Variants in TMPRSS6 observed in about 807,000 individuals in gnomAD.
TMPRSS6 encodes transmembrane serine protease 6.
A neutral mutation model predicts 101.5 loss-of-function variants in TMPRSS6; 67 were observed. That is an observed-to-expected ratio of 0.66 (90% CI 0.54 to 0.81). The LOEUF is 0.81. Among genes scored for constraint, TMPRSS6 ranks in the 30% least tolerant of loss-of-function variants. The probability of loss-of-function intolerance (pLI) is 0.00; values close to 1 mark genes in which losing one functional copy is unlikely to be tolerated. For synonymous variants in TMPRSS6, 453 were observed against 464.9 expected (o/e 0.97, Z 0.33); for missense variants, 1,034 against 1,088.7 (o/e 0.95, Z 0.71).
At chr22:37,086,811 C>T (rs113226677) in intron 7 of TMPRSS6, among the ~76,000 whole-genome samples, 4 of 152,146 alleles carry the variant, frequency 2.6e-5, no homozygotes, top group African/African-American at 9.7e-5. Flanking sequence ...CAGGGACCAC[C>T]GTTTCTGGCA....
intron 2 of TMPRSS6, among the ~76,000 whole-genome samples, chr22:37,098,916 C>T (rs1448295804): frequency 1.3e-5 from 2 of 152,208 alleles, no homozygotes; most frequent in East Asian, 3.8e-4. Flanking sequence ...ACTAGGCATC[C>T]TTCCACTCGT....
At chr22:37,092,358 C>A (rs564381244) in intron 6 of TMPRSS6, among the ~76,000 whole-genome samples, 1 of 152,246 alleles carries the variant, frequency 6.6e-6, no homozygotes, top group South Asian at 2.1e-4. Flanking sequence ...GTTGAGACAG[C>A]CTGTCACTCA....
chr22:37,102,011 T>C (rs1305846359), intron 2 of TMPRSS6, among the ~76,000 whole-genome samples: 1 of 151,380 alleles, frequency 6.6e-6, no homozygotes, highest in African/African-American at 2.4e-5. Flanking sequence ...GGGTTCCCAA[T>C]AGTGTCACTC....
rs372487738 is a variant in TMPRSS6 at position 37,095,895 on chromosome 22, G to T, written c.589+11C>A. 4.6e-5 allele frequency: 75 copies of T among 1,613,708 alleles called. No individual in the cohort carries two copies. Among genetic ancestry groups the T allele is most frequent in the Non-Finnish European group, 5.9e-5 (70 of 1,179,832 alleles). ...TGAGGCCAACCCCACGTTTCCACTC[G>T]CAGTACTGACCCAGGATCACTAGGC... On this transcript the variant is annotated intron_variant, in intron 5 of 17. Coordinates refer to ENST00000676104, the MANE Select transcript of TMPRSS6 (RefSeq NM_001374504.1).
In TMPRSS6 at chr22:37,065,975, G is replaced by A. The variant is rs1414603327; in HGVS notation, c.*105C>T. The stretch of plus-strand genomic sequence containing the variant: ...GCCACCTCCTGCCACCACAGGGCCT[G>A]CTCTCTCCCCCACCCCCCGCCAGAA... On this transcript the variant is annotated 3_prime_UTR_variant, in exon 18 of 18. Coordinates refer to ENST00000676104, the MANE Select transcript of TMPRSS6 (RefSeq NM_001374504.1). 2 of 1,481,170 alleles carry A rather than the reference G, an allele frequency of 1.4e-6. No individual in the cohort carries two copies. Among genetic ancestry groups the A allele is most frequent in the Non-Finnish European group, 1.9e-6 (2 of 1,069,120 alleles). The allele number at this position is 1,481,170 out of a possible 1,614,324, so 91.8% of individuals were successfully genotyped here.
At chr22:37,079,110 A>G (rs1477819408) in intron 10 of TMPRSS6, among the ~76,000 whole-genome samples, 2 of 152,202 alleles carry the variant, frequency 1.3e-5, no homozygotes, top group Non-Finnish European at 2.9e-5. Context: ...CCCTTGGCCC[A>G]TCTGAGTTTT....
intron 6 of TMPRSS6, among the ~76,000 whole-genome samples, chr22:37,090,262 G>C (rs1394985884): frequency 2.6e-5 from 4 of 152,234 alleles, no homozygotes; most frequent in Admixed American, 1.3e-4. Context: ...GGGAGGCCTG[G>C]CCCAGGCCAT....
chr22:37,092,341 T>C (rs1159834940), intron 6 of TMPRSS6, among the ~76,000 whole-genome samples: 1 of 152,124 alleles, frequency 6.6e-6, no homozygotes, highest in East Asian at 1.9e-4. Context: ...AATTATTTTA[T>C]TTTATTGTTG....
At chr22:37,097,750 G>A (rs1929907090) in intron 3 of TMPRSS6, among the ~76,000 whole-genome samples, 1 of 122,672 alleles carries the variant, frequency 8.2e-6, no homozygotes, top group Non-Finnish European at 1.7e-5. Context: ...GGAGGGGCAG[G>A]AGCGGCCACT....
upstream of TMPRSS6, among the ~76,000 whole-genome samples, chr22:37,109,814 C>T (rs1385291888): frequency 1.3e-5 from 2 of 152,296 alleles, no homozygotes; most frequent in East Asian, 1.9e-4. Context: ...CAGGCAGGTG[C>T]GGGAGATCTG....
At chr22:37,083,318 C>G (rs1335094979) in intron 10 of TMPRSS6, among the ~76,000 whole-genome samples, 3 of 152,176 alleles carry the variant, frequency 2.0e-5, no homozygotes. Context: ...CAAACCTCTG[C>G]TCCCCAACAA....
rs767660253 is a variant in TMPRSS6 at position 37,066,153 on chromosome 22, C to T, written c.2336G>A (p.Gly779Asp). Residue 779 changes from glycine (G) to aspartate (D), a missense_variant, in exon 18 of 18, where the codon GGC becomes GAC. By Grantham distance (94) the Gly-to-Asp change is moderately conservative (BLOSUM62 -1). Coordinates refer to ENST00000676104, the MANE Select transcript of TMPRSS6 (RefSeq NM_001374504.1). The part of the protein sequence containing the change: ...AGLVSWGLGC[G>D]RPNYFGVYTR... ...GTAGACGCCGAAGTAGTTAGGCCGGCCACAGCCCAGGCCCCAGCTGACCAG... is the reference window on the plus strand; with the variant it reads ...GTAGACGCCGAAGTAGTTAGGCCGGTCACAGCCCAGGCCCCAGCTGACCAG... The T allele has an allele frequency of 3.7e-6, 6 of 1,613,234 alleles. No homozygotes were observed. The highest frequency in any genetic ancestry group is 5.1e-6 in the Non-Finnish European group (6 of 1,179,986).
intron 15 of TMPRSS6, 55 bp downstream of exon 15, chr22:37,070,429 G>A (rs572041834): frequency 6.2e-6 from 10 of 1,606,848 alleles, no homozygotes; most frequent in East Asian, 4.5e-5. Flanking sequence ...ACCTCCCACC[G>A]GGCCTTCCCT....
At chr22:37,066,302 GC>G (rs1332342142) in intron 17 of TMPRSS6, 64 bp from the exon 18 acceptor site, 3 of 1,471,290 alleles carry the variant, frequency 2.0e-6, no homozygotes, top group Non-Finnish European at 2.8e-6. Flanking sequence ...CAGGTGAAGA[GC>G]CATAGGGATT....
Position 37,069,333 on chromosome 22 carries a change from G to A in TMPRSS6, c.1853C>T (p.Thr618Met). 3 of 1,299,472 alleles carry A rather than the reference G, an allele frequency of 2.3e-6. No homozygotes were observed. The highest frequency in any genetic ancestry group is 2.1e-6 in the Non-Finnish European group (2 of 946,318). The allele number at this position is 1,299,472 out of a possible 1,614,324, so 80.5% of individuals were successfully genotyped here. A position where few individuals can be genotyped will look rare whatever the true frequency, so the allele number is the denominator to read the frequency against. The change falls in exon 16 of 18, where the codon ACG becomes ATG. Residue 618 changes from threonine (T) to methionine (M), a missense_variant. Thr to Met is a moderately conservative substitution (Grantham distance 81, BLOSUM62 -1). Transcript: ENST00000676104. This position sits in a 1 kb window ranked among gnomAD's most constrained non-coding sequence, Gnocchi z 4.8. ...HCFQEDSMAS[T>M]VLWTVFLGKV... ...GCCCAGGAACACGGTCCACAGCACC[G>A]TGGAGGCCATGCTGGGGTGGGGTGG...
rs917451184 is a variant in TMPRSS6 at position 37,099,615 on chromosome 22, A to G, written c.203-1066T>C. Among the ~76,000 whole-genome samples the G allele has an allele frequency of 5.3e-5, 8 of 152,270 alleles. No homozygotes were observed. In the South Asian group the frequency reaches 1.2e-3, roughly 24 times the overall value. On this transcript the variant is annotated intron_variant, in intron 2 of 17. Transcript: ENST00000676104. ...CAACGGACAGAACTATCAAGAAAAA[A>G]CTGCCCTTAATAGCTTGTAGACTAG... is the stretch of plus-strand genomic sequence containing the variant.
intron 8 of TMPRSS6, among the ~76,000 whole-genome samples, chr22:37,085,229 G>A (rs1404281647): frequency 6.6e-6 from 1 of 152,194 alleles, no homozygotes; most frequent in African/African-American, 2.4e-5. Context: ...GAGAAAAGGA[G>A]TGGCTTGGTT....
chr22:37,067,021 T>G, intron 16 of TMPRSS6, 59 bp from the exon 17 acceptor site: 1 of 1,611,166 alleles, frequency 6.2e-7, no homozygotes, highest in Non-Finnish European at 8.5e-7. Flanking sequence ...TGTTCTCTAT[T>G]CTCCCTAACA....
rs1439016411 is a variant in TMPRSS6 at position 37,066,930 on chromosome 22, C to T, written c.2146G>A (p.Val716Met). Reference sequence around the variant, plus strand: ...CACAGGTCCTGTGGGATCAACTGCACATCCACTTTCTGCAGAGCGTTGCTG... The same window carrying T: ...CACAGGTCCTGTGGGATCAACTGCATATCCACTTTCTGCAGAGCGTTGCTG... ...PISNALQKVD[V>M]QLIPQDLCSE... The change falls in exon 17 of 18, where the codon GTG becomes ATG. Residue 716 changes from valine to methionine, a missense_variant. Coordinates refer to ENST00000676104, the MANE Select transcript of TMPRSS6 (RefSeq NM_001374504.1). The T allele has an allele frequency of 1.9e-6, 3 of 1,614,186 alleles. No homozygotes were observed. Among genetic ancestry groups the T allele is most frequent in the African/African-American group, 1.3e-5 (1 of 75,054 alleles).
Sources: gnomAD v4.1 joint callset for allele counts (sites outside exome capture counted in the v4.1 genomes callset) on GRCh38, gnomAD v4.1.1 for gene constraint, Gnocchi (gnomAD v3.1) non-coding constraint, MANE v1.5 for transcripts, NCBI Gene and HGNC (gene_info 2026-07-23, HGNC 2026-07-21) for gene names.